The following SPAG16 variants were observed in gnomAD, a reference collection of about 807,000 sequenced individuals.
SPAG16 encodes the protein sperm-associated antigen 16 protein.
A neutral mutation model predicts 80.4 loss-of-function variants in SPAG16; 86 were observed. That is an observed-to-expected ratio of 1.07 (90% CI 0.90 to 1.28). The LOEUF is 1.28. SPAG16 is among the 50% of genes most tolerant of loss of function. The pLI is 0.00. For synonymous variants in SPAG16, 294 were observed against 265.9 expected, an observed-to-expected ratio of 1.11 and a Z score of -1.03; for missense variants, 870 against 765.3, an observed-to-expected ratio of 1.14 and a Z score of -1.61.
At chr2:214,045,595 T>C (rs1383332014) in intron 13 of SPAG16, among the ~76,000 whole-genome samples, 1 of 152,194 alleles carries the variant, frequency 6.6e-6, no homozygotes, top group African/African-American at 2.4e-5. Context: ...GTCCTGAATA[T>C]TCTTGGGAAT....
chr2:214,108,477 A>ACC (rs1230372065), intron 14 of SPAG16, among the ~76,000 whole-genome samples: 25 of 64,520 alleles, frequency 3.9e-4, no homozygotes, highest in Admixed American at 2.8e-3. Context: ...ACACACACAC[A>ACC]CACCCCCACA....
At chr2:213,454,736 G>T (rs2071896570) in intron 9 of SPAG16, among the ~76,000 whole-genome samples, 1 of 152,166 alleles carries the variant, frequency 6.6e-6, no homozygotes, top group Non-Finnish European at 1.5e-5. Context: ...ATGTAGGGCA[G>T]TTTTTCTCAT....
chr2:214,049,656 G>T lies in SPAG16; in HGVS notation c.1527+35579G>T, dbSNP rs548941926. ...GTCTCAAAATCACATTTGTGGTTGT[G>T]CATTCAGTGGGCTCCATGGCAGAGC... On this transcript the variant is annotated intron_variant, in intron 13 of 15. Coordinates refer to ENST00000331683, the MANE Select transcript of SPAG16 (RefSeq NM_024532.5). Among the ~76,000 whole-genome samples the T allele has an allele frequency of 1.3e-3, 200 of 152,274 alleles. 1 individual carries two copies. The highest frequency in any genetic ancestry group is 3.4e-3 in the Middle Eastern group (1 of 294).
At chr2:213,758,412 G>A (rs1044867208) in intron 10 of SPAG16, among the ~76,000 whole-genome samples, 4 of 151,990 alleles carry the variant, frequency 2.6e-5, no homozygotes, top group African/African-American at 9.7e-5. Context: ...TAAAATAATT[G>A]TGTTAAATGA....
intron 10 of SPAG16, among the ~76,000 whole-genome samples, chr2:213,782,506 ATTC>A (rs2070058545): frequency 6.6e-6 from 1 of 152,206 alleles, no homozygotes; most frequent in Admixed American, 6.5e-5. Flanking sequence ...TGTTTCAAAT[ATTC>A]TTTGATCCCT....
intron 13 of SPAG16, among the ~76,000 whole-genome samples, chr2:214,083,458 G>A (rs960801691): frequency 9.9e-5 from 15 of 151,976 alleles, no homozygotes; most frequent in African/African-American, 3.6e-4. Flanking sequence ...AAAATACTTA[G>A]ATTTGGGTTT....
At chr2:213,759,017 G>A (rs1165581945) in intron 10 of SPAG16, among the ~76,000 whole-genome samples, 1 of 152,150 alleles carries the variant, frequency 6.6e-6, no homozygotes, top group Non-Finnish European at 1.5e-5. Flanking sequence ...GACATTCGAA[G>A]TGCTAAAGAA....
chr2:213,401,180 C>T (rs1237421485), intron 9 of SPAG16, among the ~76,000 whole-genome samples: 1 of 152,220 alleles, frequency 6.6e-6, no homozygotes, highest in Non-Finnish European at 1.5e-5. Context: ...ATTTGAGAAA[C>T]CTGACTCTAC....
chr2:213,375,215 A>T, intron 9 of SPAG16, 96 bp downstream of exon 9: 3 of 884,008 alleles, frequency 3.4e-6, no homozygotes, highest in South Asian at 3.9e-5. Flanking sequence ...CCGGAAAAGG[A>T]ATTTAGAGGT....
In SPAG16 at chr2:213,942,676, A is replaced by G. The variant is rs997178578; in HGVS notation, c.1400+12531A>G. On this transcript the variant is annotated intron_variant, in intron 12 of 15. Transcript: ENST00000331683. ...CAGAAATGGTCCAGCAGCAAGAAAAAGCAAGCTCCAATGAACAAGAACTCA... is the reference window on the plus strand; with the variant it reads ...CAGAAATGGTCCAGCAGCAAGAAAAGGCAAGCTCCAATGAACAAGAACTCA... Among the ~76,000 whole-genome samples the G allele has an allele frequency of 4.6e-5, 7 of 152,316 alleles. No homozygotes were observed. The South Asian group carries it at 1.0e-3, about 23-fold the overall frequency.
intron 15 of SPAG16, among the ~76,000 whole-genome samples, chr2:214,301,256 TCCAACATC>T (rs1694531329): frequency 6.7e-6 from 1 of 149,044 alleles, no homozygotes; most frequent in African/African-American, 2.5e-5. Flanking sequence ...TTTGATAAAA[TCCAACATC>T]CCTTCATGAT....
At chr2:213,936,975 T>C (rs1559607857) in intron 12 of SPAG16, among the ~76,000 whole-genome samples, 2 of 152,266 alleles carry the variant, frequency 1.3e-5, no homozygotes, top group South Asian at 2.1e-4. Context: ...AGAGGAAATA[T>C]GAAATGTTAA....
At chr2:214,310,058 C>T (rs907558470) in intron 15 of SPAG16, among the ~76,000 whole-genome samples, 1 of 152,070 alleles carries the variant, frequency 6.6e-6, no homozygotes, top group Non-Finnish European at 1.5e-5. Flanking sequence ...GATCCATTGC[C>T]ATAGAAGTAG....
At chr2:213,966,538 A>C (rs1258064242) in intron 12 of SPAG16, among the ~76,000 whole-genome samples, 2 of 152,180 alleles carry the variant, frequency 1.3e-5, no homozygotes, top group East Asian at 1.9e-4. Flanking sequence ...AAGTGAAAGA[A>C]ATTTTTAAAA....
intron 6 of SPAG16, among the ~76,000 whole-genome samples, chr2:213,348,248 C>T (rs942978337): frequency 2.8e-4 from 43 of 152,052 alleles, no homozygotes; most frequent in African/African-American, 9.4e-4. Context: ...TCCTCCATCC[C>T]TTGATTTTGA....
chr2:214,104,767 G>A (rs2053289467), intron 13 of SPAG16, among the ~76,000 whole-genome samples: 1 of 152,080 alleles, frequency 6.6e-6, no homozygotes, highest in Admixed American at 6.6e-5. Flanking sequence ...GTCACCAGCA[G>A]GAAAGAGGGG....
At chr2:213,543,852 A>C (rs1179697869) in intron 10 of SPAG16, among the ~76,000 whole-genome samples, 1 of 152,068 alleles carries the variant, frequency 6.6e-6, no homozygotes, top group Non-Finnish European at 1.5e-5. Context: ...TGGAATTTTC[A>C]CTGGAATTGT....
intron 10 of SPAG16, among the ~76,000 whole-genome samples, chr2:213,738,305 C>G (rs1574992106): frequency 1.3e-5 from 2 of 152,132 alleles, no homozygotes; most frequent in Admixed American, 1.3e-4. Flanking sequence ...TATGTTTTCC[C>G]TAAACATACA....
intron 14 of SPAG16, among the ~76,000 whole-genome samples, chr2:214,146,691 T>G (rs2055654153): frequency 6.6e-6 from 1 of 152,130 alleles, no homozygotes; most frequent in Non-Finnish European, 1.5e-5. Flanking sequence ...GCAAACTTAT[T>G]TCTATTACTT....
Sources: allele counts gnomAD v4.1 joint callset (sites outside exome capture counted in the v4.1 genomes callset), GRCh38; gene constraint gnomAD v4.1.1; transcripts MANE v1.5; gene names NCBI Gene and HGNC (gene_info 2026-07-23, HGNC 2026-07-21).